Variants in NELL2 observed in about 807,000 individuals in gnomAD.
NELL2 encodes the protein protein kinase C-binding protein NELL2.
A neutral mutation model predicts 109.6 loss-of-function variants in NELL2; 41 were observed. The observed-to-expected ratio is 0.37, with a 90% CI of 0.29 to 0.49. NELL2 has a LOEUF of 0.49. Ranked by LOEUF, NELL2 falls within the 20% of genes least tolerant of loss-of-function variation. The probability of loss-of-function intolerance (pLI) is 0.98; values close to 1 mark genes in which losing one functional copy is unlikely to be tolerated. For synonymous variants in NELL2, 355 were observed against 344.7 expected, an observed-to-expected ratio of 1.03 and a Z score of -0.33; for missense variants, 900 against 1,008.3, an observed-to-expected ratio of 0.89 and a Z score of 1.45.
chr12:44,915,747 C>T (rs1260534851), upstream of NELL2, among the ~76,000 whole-genome samples: 1 of 152,042 alleles, frequency 6.6e-6, no homozygotes, highest in Non-Finnish European at 1.5e-5. Context: ...AGAACAGTGC[C>T]CTCAAAGACT....
chr12:44,698,545 A>G (rs1173262169), intron 12 of NELL2, among the ~76,000 whole-genome samples: 1 of 152,158 alleles, frequency 6.6e-6, no homozygotes, highest in Admixed American at 6.6e-5. Context: ...GAATGTCTAA[A>G]CAGGTGACAT....
chr12:44,612,621 T>G (rs1945662942), intron 13 of NELL2, among the ~76,000 whole-genome samples: 2 of 151,996 alleles, frequency 1.3e-5, no homozygotes, highest in Admixed American at 1.3e-4. Flanking sequence ...AGGGCTAGAA[T>G]GGGCAGCCCA....
chr12:44,739,727 A>C (rs1711839), intron 9 of NELL2, among the ~76,000 whole-genome samples: 107,269 of 151,848 alleles, frequency 0.71, 38,141 homozygotes, highest in Non-Finnish European at 0.74. Flanking sequence ...CTCATCTCTA[A>C]TAAAAATACA....
chr12:44,508,862 G>A lies in NELL2; in HGVS notation c.*72C>T, dbSNP rs1015173514. 6 of 1,367,320 alleles carry A rather than the reference G, an allele frequency of 4.4e-6. No homozygotes were observed. In the African/African-American group the frequency reaches 5.8e-5, roughly 13 times the overall value. The allele number at this position is 1,367,320 out of a possible 1,614,324, so 84.7% of individuals were successfully genotyped here. ...GCTGCCCACAAATCACCCAATTTAA[G>A]TTTTAACTTCTTTTTGGTCTTTTAA... is the stretch of plus-strand genomic sequence containing the variant. On this transcript the variant is annotated 3_prime_UTR_variant, in exon 20 of 20. Transcript: ENST00000429094.
At chr12:44,889,495 A>G (rs548742185) in intron 1 of NELL2, among the ~76,000 whole-genome samples, 2 of 152,016 alleles carry the variant, frequency 1.3e-5, no homozygotes, top group Non-Finnish European at 2.9e-5. Context: ...GTTCATCTGA[A>G]TAGAATGAAG....
intron 1 of NELL2, among the ~76,000 whole-genome samples, chr12:44,894,629 C>A (rs187125403): frequency 6.6e-6 from 1 of 152,276 alleles, no homozygotes; most frequent in African/African-American, 2.4e-5. Flanking sequence ...CTGTAAGGAA[C>A]TCAATGATAT....
At position 44,883,359 on chromosome 12, in the gene NELL2, C is replaced by A. The variant is rs1422954116; in HGVS notation, c.39-7459G>T. On this transcript the variant is annotated intron_variant, in intron 1 of 20. Transcript: ENST00000333837. ...TCAATCCAGCAACAGCAGGCAAAGT[C>A]TTTCTCACACTACACTCTCTCTGGT... Among the ~76,000 whole-genome samples the A allele has an allele frequency of 2.9e-5, 4 of 138,936 alleles. 1 individual carries two copies. Among genetic ancestry groups the A allele is most frequent in the African/African-American group, 9.9e-5 (4 of 40,492 alleles). The allele number at this position is 138,936 out of a possible 152,430, so 91.1% of individuals were successfully genotyped here. A position where few individuals can be genotyped will look rare whatever the true frequency, so the allele number is the denominator to read the frequency against.
chr12:44,518,452 A>G (rs947660984), intron 19 of NELL2, among the ~76,000 whole-genome samples: 3 of 152,006 alleles, frequency 2.0e-5, no homozygotes, highest in Non-Finnish European at 4.4e-5. Context: ...TCACCGTGTT[A>G]GCCAGGATGG....
intron 15 of NELL2, among the ~76,000 whole-genome samples, chr12:44,547,141 A>C (rs151181212): frequency 6.6e-6 from 1 of 152,186 alleles, no homozygotes; most frequent in Non-Finnish European, 1.5e-5. Flanking sequence ...TCATCCTGCT[A>C]CTTCTTAGAG....
intron 1 of NELL2, among the ~76,000 whole-genome samples, chr12:44,890,372 T>C (rs938804247): frequency 1.2e-3 from 188 of 152,328 alleles, no homozygotes; most frequent in African/African-American, 4.3e-3. Flanking sequence ...TAGAAAAGCA[T>C]GTAAAGTTCT....
At chr12:44,879,947 C>T (rs1171746393), upstream of NELL2, among the ~76,000 whole-genome samples, 1 of 151,834 alleles carries the variant, frequency 6.6e-6, no homozygotes, top group Non-Finnish European at 1.5e-5. Flanking sequence ...TAGCATTAAA[C>T]TCCCAGGGTC....
intron 12 of NELL2, among the ~76,000 whole-genome samples, chr12:44,684,485 T>C (rs1018161386): frequency 2.0e-5 from 3 of 152,156 alleles, no homozygotes; most frequent in African/African-American, 4.8e-5. Flanking sequence ...GCTCTTGCTT[T>C]TCTAGTTCTT....
chr12:44,642,432 T>C (rs540279063), intron 13 of NELL2, among the ~76,000 whole-genome samples: 8 of 152,212 alleles, frequency 5.3e-5, no homozygotes, highest in African/African-American at 9.6e-5. Context: ...CTCAAATAAA[T>C]AGCAGGTAGA....
intron 3 of NELL2, among the ~76,000 whole-genome samples, chr12:44,810,884 T>C (rs1378169436): frequency 6.6e-6 from 1 of 152,180 alleles, no homozygotes; most frequent in Non-Finnish European, 1.5e-5. Flanking sequence ...AGTTAAATTA[T>C]GTATTTGTTA....
At chr12:44,539,405 A>G (rs1249138282) in intron 15 of NELL2, among the ~76,000 whole-genome samples, 2 of 152,144 alleles carry the variant, frequency 1.3e-5, no homozygotes, top group Admixed American at 6.6e-5. Context: ...TTGATTCTAT[A>G]TATCGACTTT....
chr12:44,717,940 G>A (rs1364289863), intron 9 of NELL2, among the ~76,000 whole-genome samples: 1 of 152,124 alleles, frequency 6.6e-6, no homozygotes, highest in Non-Finnish European at 1.5e-5. Context: ...TGGGAGTGTT[G>A]GGTGCCCAGG....
At chr12:44,655,564 C>T (rs954540793) in intron 13 of NELL2, among the ~76,000 whole-genome samples, 3 of 152,226 alleles carry the variant, frequency 2.0e-5, no homozygotes, top group Non-Finnish European at 2.9e-5. Context: ...TTGGCCTCCT[C>T]AGTAACTGTG....
At chr12:44,787,174 A>G (rs1057006144) in intron 3 of NELL2, among the ~76,000 whole-genome samples, 4 of 152,206 alleles carry the variant, frequency 2.6e-5, no homozygotes, top group Non-Finnish European at 5.9e-5. Context: ...TATAATTTAC[A>G]ATTACACAGA....
In NELL2 at chr12:44,792,999, T is replaced by C. The variant is rs1407943152; in HGVS notation, c.336-12977A>G. 2.6e-5 allele frequency among the ~76,000 whole-genome samples: 4 copies of C among 152,292 alleles called. No homozygotes were observed. The East Asian group carries it at 7.7e-4, about 29-fold the overall frequency. On this transcript the variant is annotated intron_variant, in intron 3 of 19. Coordinates refer to ENST00000429094, the MANE Select transcript of NELL2 (RefSeq NM_001145108.2). ...TTATTCATTCATATAGAAAATGTAA[T>C]ACATCCATATTCTAGAACACTATGC... is the stretch of plus-strand genomic sequence containing the variant.
Sources: gnomAD v4.1 joint callset for allele counts (sites outside exome capture counted in the v4.1 genomes callset) on GRCh38, gnomAD v4.1.1 for gene constraint, MANE v1.5 for transcripts, NCBI Gene and HGNC (gene_info 2026-07-23, HGNC 2026-07-21) for gene names.